Variants in BHMT observed in about 807,000 individuals in gnomAD.
BHMT encodes the protein betaine--homocysteine S-methyltransferase 1.
A neutral mutation model predicts 49.5 loss-of-function variants in BHMT; 38 were observed. The ratio of observed to expected loss-of-function variants is 0.77; its 90% CI spans 0.59 to 1.01. The LOEUF (loss-of-function observed/expected upper bound fraction) is 1.01, where lower values mean the gene tolerates loss of function less well. Among genes scored for constraint, BHMT ranks in the 50% least tolerant of loss-of-function variants. BHMT has a pLI of 0.00. For synonymous variants in BHMT, 166 were observed against 176.3 expected (o/e 0.94, Z 0.46); for missense variants, 426 against 495.7 (o/e 0.86, Z 1.34).
At chr5:79,114,118 C>T (rs1484950356) in intron 1 of BHMT, among the ~76,000 whole-genome samples, 1 of 148,052 alleles carries the variant, frequency 6.8e-6, no homozygotes, top group East Asian at 2.0e-4. Context: ...TATATGTATA[C>T]ATATATATAT....
rs780866090 is a variant in BHMT, at chr5:79,121,321, A to G, written c.581A>G (p.His194Arg). ...TMCIGPEGDL[H>R]GVPPGECAVR... ...TGCATTGGCCCAGAAGGAGATTTGC[A>G]TGGCGTGCCCCCCGGCGAGTGTGCA... Residue 194 changes from histidine to arginine, a missense_variant, in exon 5 of 8, where the codon CAT becomes CGT. Around this residue, in one of 3 missense-constraint regions of BHMT, gnomAD observed 321 missense variants for 355.9 expected, o/e 0.90. Coordinates refer to ENST00000274353, the MANE Select transcript of BHMT (RefSeq NM_001713.3). 2.5e-6 allele frequency: 4 copies of G among 1,614,184 alleles called. No homozygotes were observed. Among genetic ancestry groups the G allele is most frequent in the East Asian group, 2.2e-5 (1 of 44,882 alleles).
chr5:79,130,872 TATAAAG>T, intron 7 of BHMT, 55 bp from the exon 8 acceptor site: 1 of 1,395,838 alleles, frequency 7.2e-7, no homozygotes, highest in South Asian at 1.7e-5. Context: ...GGTTCCATGA[TATAAAG>T]ACCAAAGCTA....
intron 5 of BHMT, among the ~76,000 whole-genome samples, chr5:79,122,138 T>G (rs1756482895): frequency 6.6e-6 from 1 of 152,058 alleles, no homozygotes; most frequent in African/African-American, 2.4e-5. Flanking sequence ...GAGACGGGGT[T>G]TCACTATTTG....
At chr5:79,122,349 G>A (rs1756485651) in intron 5 of BHMT, among the ~76,000 whole-genome samples, 1 of 152,046 alleles carries the variant, frequency 6.6e-6, no homozygotes. Context: ...TAACTTAATT[G>A]ATCATGGAAC....
chr5:79,115,762 T>C lies in BHMT; in HGVS notation c.34-5T>C. 1.3e-6 allele frequency: 2 copies of C among 1,596,814 alleles called. No homozygotes were observed. The highest frequency in any genetic ancestry group is 8.5e-7 in the Non-Finnish European group (1 of 1,172,328). ...CTCCTTTTCCTCCCTCATCTGTAATTTTAGGGCATCCTAGAACGTTTAAAT... is the reference window on the plus strand; with the variant it reads ...CTCCTTTTCCTCCCTCATCTGTAATCTTAGGGCATCCTAGAACGTTTAAAT... On this transcript the variant is annotated splice_polypyrimidine_tract_variant and splice_region_variant and intron_variant, in intron 1 of 7. Coordinates refer to ENST00000274353, the MANE Select transcript of BHMT (RefSeq NM_001713.3).
rs1474190734 is a variant in BHMT at position 79,130,922 on chromosome 5, T to G, written c.1038-11T>G. ...GTCTGTTGTCTGGTGTCATGTGTTT[T>G]GTTCACACAGGGCCAGGAAGGAATA... is the stretch of plus-strand genomic sequence containing the variant. On this transcript the variant is annotated splice_polypyrimidine_tract_variant and intron_variant, in intron 7 of 7. Coordinates refer to ENST00000274353, the MANE Select transcript of BHMT (RefSeq NM_001713.3). 2.4e-5 allele frequency: 39 copies of G among 1,597,656 alleles called. No individual in the cohort carries two copies. Among genetic ancestry groups the G allele is most frequent in the Non-Finnish European group, 3.2e-5 (38 of 1,171,406 alleles).
At chr5:79,129,104 A>G (rs16876547) in intron 7 of BHMT, among the ~76,000 whole-genome samples, 2,219 of 152,312 alleles carry the variant, frequency 0.015, 52 homozygotes, top group African/African-American at 0.051. Context: ...GAGAGGTAGC[A>G]GTTCCACTCT....
chr5:79,115,740 C>A lies in BHMT; in HGVS notation c.34-27C>A, dbSNP rs528901081. On this transcript the variant is annotated intron_variant, in intron 1 of 7. Coordinates refer to ENST00000274353, the MANE Select transcript of BHMT (RefSeq NM_001713.3). ...ATTATCTTAAACACTCAAGTAACTC[C>A]TTTTCCTCCCTCATCTGTAATTTTA... The A allele has an allele frequency of 7.0e-6, 11 of 1,566,928 alleles. No individual in the cohort carries two copies. In the Admixed American group the frequency reaches 7.4e-5, roughly 11 times the overall value.
At chr5:79,123,799 G>T (rs1157063080) in intron 5 of BHMT, among the ~76,000 whole-genome samples, 4 of 152,012 alleles carry the variant, frequency 2.6e-5, no homozygotes, top group Non-Finnish European at 5.9e-5. Flanking sequence ...TAATCCACCC[G>T]CCTCAGCCTC....
chr5:79,119,508 C>T (rs1370025641), intron 3 of BHMT, 131 bp downstream of exon 3: 11 of 637,216 alleles, frequency 1.7e-5, no homozygotes, highest in African/African-American at 3.7e-5. Flanking sequence ...AAATGAGAGG[C>T]GTGAATAACA....
Position 79,111,900 on chromosome 5 carries a change from G to A in BHMT, c.15G>A (p.Gly5=). The A allele has an allele frequency of 3.7e-6, 6 of 1,611,186 alleles. No homozygotes were observed. The highest frequency in any genetic ancestry group is 5.1e-6 in the Non-Finnish European group (6 of 1,178,774). Residue 5 remains glycine, a synonymous_variant, in exon 1 of 8, where the codon GGG becomes GGA. Transcript: ENST00000274353. MPPV[G]GKKAKKGILE... ...ACACCACGAAGATGCCACCCGTTGG[G>A]GGCAAAAAGGCCAAGAAGGTGAGTC...
chr5:79,127,897 A>G lies in BHMT; in HGVS notation c.951A>G (p.Glu317=), dbSNP rs1236531048. Residue 317 remains glutamate, a synonymous_variant, in exon 7 of 8, where the codon GAA becomes GAG. Coordinates refer to ENST00000274353, the MANE Select transcript of BHMT (RefSeq NM_001713.3). The part of the protein sequence containing the change: ...IRAIAEELAP[E]RGFLPPASEK... ...CAATTGCAGAGGAGCTGGCCCCAGA[A>G]AGGGGCTTTTTGCCACCAGCTTCAG... is the stretch of plus-strand genomic sequence containing the variant. The G allele has an allele frequency of 6.2e-7, 1 of 1,614,010 alleles. No homozygotes were observed. Among genetic ancestry groups the G allele is most frequent in the Admixed American group, 1.7e-5 (1 of 60,006 alleles).
At chr5:79,119,859 G>C (rs1756440641) in intron 3 of BHMT, among the ~76,000 whole-genome samples, 1 of 152,074 alleles carries the variant, frequency 6.6e-6, no homozygotes, top group South Asian at 2.1e-4. Flanking sequence ...TTTGTTTGTT[G>C]AGCATAACAA....
intron 7 of BHMT, 71 bp downstream of exon 7, chr5:79,128,054 T>C: frequency 6.6e-7 from 1 of 1,507,738 alleles, no homozygotes; most frequent in Non-Finnish European, 9.0e-7. Flanking sequence ...TTTAGAAGAC[T>C]GCAGCAAATT....
At chr5:79,116,740 A>G (rs1049095242) in intron 2 of BHMT, among the ~76,000 whole-genome samples, 1 of 152,242 alleles carries the variant, frequency 6.6e-6, no homozygotes, top group Non-Finnish European at 1.5e-5. Flanking sequence ...ATCAATGTAC[A>G]TTTAGCTTCT....
rs746611712 is a variant in BHMT, at chr5:79,120,579, C to T, written c.477+38C>T. ...GTGGTGAAAGATAAGACAAATACAC[C>T]TAGTACATTTTCTCTACCTTTTGCT... On this transcript the variant is annotated intron_variant, in intron 4 of 7. Coordinates refer to ENST00000274353, the MANE Select transcript of BHMT (RefSeq NM_001713.3). 1.9e-5 allele frequency: 30 copies of T among 1,559,428 alleles called. No homozygotes were observed. The Admixed American group carries it at 4.6e-4, about 24-fold the overall frequency.
intron 6 of BHMT, among the ~76,000 whole-genome samples, chr5:79,127,289 TG>T (rs1248331149): frequency 6.6e-6 from 1 of 152,200 alleles, no homozygotes; most frequent in African/African-American, 2.4e-5. Context: ...GTCTGTTGAC[TG>T]GGGGCCTCAG....
chr5:79,112,426 G>C (rs533801742), intron 1 of BHMT, among the ~76,000 whole-genome samples: 36 of 152,304 alleles, frequency 2.4e-4, no homozygotes, highest in African/African-American at 8.2e-4. Context: ...CTCTGCACCC[G>C]GCGCGCCCAG....
At chr5:79,129,661 G>A (rs149714815) in intron 7 of BHMT, among the ~76,000 whole-genome samples, 1 of 152,232 alleles carries the variant, frequency 6.6e-6, no homozygotes, top group African/African-American at 2.4e-5. Context: ...CAGCAGACAG[G>A]TTGAGGCCTG....
Sources: gnomAD v4.1 joint callset for allele counts (sites outside exome capture counted in the v4.1 genomes callset) on GRCh38, gnomAD v4.1.1 for gene constraint, gnomAD v4.1.1 regional missense constraint, MANE v1.5 for transcripts, NCBI Gene and HGNC (gene_info 2026-07-23, HGNC 2026-07-21) for gene names.